ZMYM4: variants seen among roughly 807,000 people sequenced by gnomAD.
ZMYM4 encodes zinc finger MYM-type containing 4, also known as zinc finger MYM-type protein 4.
Under a neutral mutation model 183.2 loss-of-function variants are expected in ZMYM4, and 31 were observed. That is an observed-to-expected ratio of 0.17 (90% confidence interval 0.13 to 0.23). The LOEUF (loss-of-function observed/expected upper bound fraction) is 0.23. Ranked by LOEUF, ZMYM4 falls within the 10% of genes least tolerant of loss-of-function variation. ZMYM4 has a pLI of 1.00. For missense variants in ZMYM4, 1,273 were observed against 1,840.3 expected, an observed-to-expected ratio of 0.69 and a Z score of 5.64; for synonymous variants, 592 against 631.2, an observed-to-expected ratio of 0.94 and a Z score of 0.93.
chr1:35,377,051 C>T (rs770191549), intron 7 of ZMYM4, among the ~76,000 whole-genome samples: 2 of 152,146 alleles, frequency 1.3e-5, no homozygotes, highest in South Asian at 2.1e-4. Flanking sequence ...GGACTACAGG[C>T]GCATGCCACC....
intron 2 of ZMYM4, among the ~76,000 whole-genome samples, chr1:35,326,036 A>G (rs551704872): frequency 6.6e-6 from 1 of 152,144 alleles, no homozygotes; most frequent in African/African-American, 2.4e-5. Context: ...GACCTGTTGC[A>G]CCCTTTTTAA....
At chr1:35,403,795 A>G (rs544646863) in intron 23 of ZMYM4, among the ~76,000 whole-genome samples, 45 of 152,358 alleles carry the variant, frequency 3.0e-4, no homozygotes, top group South Asian at 1.2e-3. Flanking sequence ...GAATTTAACT[A>G]TGATGGAATT....
At chr1:35,276,775 T>G (rs1639899716) in intron 1 of ZMYM4, among the ~76,000 whole-genome samples, 1 of 152,080 alleles carries the variant, frequency 6.6e-6, no homozygotes, top group Admixed American at 6.5e-5. Flanking sequence ...CCTTGGCTTA[T>G]TTTGTGTTTT....
In ZMYM4 at chr1:35,361,765, A is replaced by C; in HGVS notation, c.816A>C (p.Ile272=). ...MAPQQGLLDK[I]KDEPDNAQEY... ...CACAGCAGGGACTACTAGACAAAATAAAAGATGAACCTGACAATGCTCAAG... is the reference window on the plus strand; with the variant it reads ...CACAGCAGGGACTACTAGACAAAATCAAAGATGAACCTGACAATGCTCAAG... The change falls in exon 5 of 30, where the codon ATA becomes ATC. Residue 272 remains isoleucine (I), a synonymous_variant. Transcript: ENST00000314607. The C allele has an allele frequency of 6.2e-7, 1 of 1,608,136 alleles. No homozygotes were observed. Among genetic ancestry groups the C allele is most frequent in the Non-Finnish European group, 8.5e-7 (1 of 1,178,350 alleles).
At position 35,361,853 on chromosome 1, in the gene ZMYM4, G is replaced by T. The variant is rs144532102; in HGVS notation, c.840+64G>T. ...CACACATTGAATTATTCATTTGAGAGAGGAAGTGCTTAAGAAGTGAAATAG... is the reference window on the plus strand; with the variant it reads ...CACACATTGAATTATTCATTTGAGATAGGAAGTGCTTAAGAAGTGAAATAG... On this transcript the variant is annotated intron_variant, in intron 5 of 29. Coordinates refer to ENST00000314607, the MANE Select transcript of ZMYM4 (RefSeq NM_005095.3). The T allele has an allele frequency of 2.3e-5, 35 of 1,547,744 alleles. No homozygotes were observed. The African/African-American group carries it at 4.8e-4, about 21-fold the overall frequency.
chr1:35,330,341 T>G (rs1642684589), intron 2 of ZMYM4, among the ~76,000 whole-genome samples: 1 of 152,188 alleles, frequency 6.6e-6, no homozygotes, highest in Non-Finnish European at 1.5e-5. Context: ...TCTGTGGTTA[T>G]CAAGAAAGCT....
intron 17 of ZMYM4, 56 bp downstream of exon 17, chr1:35,392,740 C>A (rs1644733464): frequency 7.1e-7 from 1 of 1,398,980 alleles, no homozygotes; most frequent in Middle Eastern, 1.9e-4. Context: ...CATTTTCATA[C>A]AGTATAAATA....
intron 7 of ZMYM4, among the ~76,000 whole-genome samples, chr1:35,378,088 GCAA>G (rs1454135993): frequency 6.6e-6 from 1 of 152,144 alleles, no homozygotes; most frequent in Non-Finnish European, 1.5e-5. Context: ...TCCATTGGAA[GCAA>G]CTCCTTATCT....
At position 35,359,100 on chromosome 1, in the gene ZMYM4, T is replaced by G. The variant is rs1239996287; in HGVS notation, c.261T>G (p.Ser87Arg). Residue 87 changes from serine to arginine, a missense_variant, in exon 3 of 30, where the codon AGT (serine) becomes AGG (arginine). By Grantham distance (110) the Ser-to-Arg change is moderately radical (BLOSUM62 -1). This residue lies in a region of ZMYM4 where 384 missense variants were observed against 465.6 expected (regional missense o/e 0.82). Coordinates refer to ENST00000314607, the MANE Select transcript of ZMYM4 (RefSeq NM_005095.3). ...TTGCAGGAATTCCAGTCGTTGGTAG[T>G]GACAATGAGGATGAACAGGATTTTA... The part of the protein sequence containing the change: ...GDLAGIPVVG[S>R]DNEDEQDFSS... 1 of 1,613,806 alleles carries G rather than the reference T, an allele frequency of 6.2e-7. No individual in the cohort carries two copies. The highest frequency in any genetic ancestry group is 8.5e-7 in the Non-Finnish European group (1 of 1,179,772).
chr1:35,397,799 G>A (rs576496882), intron 20 of ZMYM4, among the ~76,000 whole-genome samples: 29 of 152,204 alleles, frequency 1.9e-4, no homozygotes, highest in Admixed American at 1.2e-3. Flanking sequence ...AAGATTTCAT[G>A]ATCATTTTCC....
intron 1 of ZMYM4, among the ~76,000 whole-genome samples, chr1:35,311,966 C>T (rs572251555): frequency 5.7e-4 from 87 of 152,110 alleles, no homozygotes; most frequent in African/African-American, 1.9e-3. Context: ...TAGCTCACTG[C>T]AGCCTCAAAC....
At chr1:35,404,735 T>G (rs1178629527) in intron 23 of ZMYM4, 1 of 212,852 alleles carries the variant, frequency 4.7e-6, no homozygotes, top group Non-Finnish European at 9.2e-6. Context: ...ATAGTAGTTA[T>G]TCATACCTCA....
At chr1:35,406,965 G>C (rs906273975) in intron 25 of ZMYM4, among the ~76,000 whole-genome samples, 3 of 152,158 alleles carry the variant, frequency 2.0e-5, no homozygotes, top group Non-Finnish European at 4.4e-5. Flanking sequence ...AAATGAGGCT[G>C]ATCATGATCT....
intron 1 of ZMYM4, among the ~76,000 whole-genome samples, chr1:35,315,622 C>G (rs1206579011): frequency 6.6e-6 from 1 of 152,116 alleles, no homozygotes; most frequent in Non-Finnish European, 1.5e-5. Context: ...GATGTATTTG[C>G]TTCTTTTTTA....
At chr1:35,320,702 G>A (rs1642244641) in intron 1 of ZMYM4, among the ~76,000 whole-genome samples, 1 of 152,174 alleles carries the variant, frequency 6.6e-6, no homozygotes, top group Non-Finnish European at 1.5e-5. Context: ...GGTAGATAGT[G>A]TCAGAATTGA....
chr1:35,329,944 G>A, intron 2 of ZMYM4, among the ~76,000 whole-genome samples: 1 of 152,144 alleles, frequency 6.6e-6, no homozygotes, highest in East Asian at 1.9e-4. Context: ...GGCTGGGCAT[G>A]GTGGCTCACA....
intron 1 of ZMYM4, among the ~76,000 whole-genome samples, chr1:35,309,298 G>A (rs7554979): frequency 0.018 from 2,760 of 152,110 alleles, 68 homozygotes; most frequent in African/African-American, 0.063. Context: ...GACATAGACC[G>A]AAATGTTTTT....
At chr1:35,300,261 T>C (rs1641220627) in intron 1 of ZMYM4, among the ~76,000 whole-genome samples, 1 of 152,206 alleles carries the variant, frequency 6.6e-6, no homozygotes, top group Non-Finnish European at 1.5e-5. Context: ...TGCCTCCAGA[T>C]TCTATTTTCC....
intron 2 of ZMYM4, among the ~76,000 whole-genome samples, chr1:35,328,485 TAGGTCTTATTATGTTTTCCAATC>T (rs1642602301): frequency 6.9e-6 from 1 of 145,774 alleles, no homozygotes. Context: ...TTGTAGAGAT[TAGGTCTTATTATGTTTTCCAATC>T]AGGTCTTAAA....
Sources: gnomAD v4.1 joint callset for allele counts (sites outside exome capture counted in the v4.1 genomes callset) on GRCh38, gnomAD v4.1.1 for gene constraint, gnomAD v4.1.1 regional missense constraint, MANE v1.5 for transcripts, NCBI Gene and HGNC (gene_info 2026-07-23, HGNC 2026-07-21) for gene names.